Variants in CTTNBP2 observed in about 807,000 individuals in gnomAD.
CTTNBP2 encodes the protein cortactin binding protein 2.
In CTTNBP2, 108 loss-of-function variants were observed where a neutral mutation model predicts 156.9. The ratio of observed to expected loss-of-function variants is 0.69; its 90% CI spans 0.59 to 0.81. CTTNBP2 has a LOEUF of 0.81. Among genes scored for constraint, CTTNBP2 ranks in the 30% least tolerant of loss-of-function variants. The pLI is 0.00. For missense variants in CTTNBP2, 1,924 were observed against 2,035.4 expected, an observed-to-expected ratio of 0.95 and a Z score of 1.05; for synonymous variants, 767 against 751.8, an observed-to-expected ratio of 1.02 and a Z score of -0.33.
At position 117,718,068 on chromosome 7, in the gene CTTNBP2, G is replaced by A. The variant is rs767278056; in HGVS notation, c.4696C>T (p.Pro1566Ser). 20 of 1,613,302 alleles carry A rather than the reference G, an allele frequency of 1.2e-5. No homozygotes were observed. The African/African-American group carries it at 2.7e-4, about 22-fold the overall frequency. Residue 1566 changes from proline (P) to serine (S), a missense_variant, in exon 22 of 23, where the codon CCT (proline) becomes TCT (serine). Transcript: ENST00000160373. ...TTATTAATAGTTGCTGAAAGTACAGGGTTGTTTCCAGAACTATCAAACATC... is the reference window on the plus strand; with the variant it reads ...TTATTAATAGTTGCTGAAAGTACAGAGTTGTTTCCAGAACTATCAAACATC... Reference protein sequence around the residue: ...LRMFDSSGNNPVLSATINNLR... With the variant: ...LRMFDSSGNNSVLSATINNLR...
chr7:117,711,516 A>G lies in CTTNBP2; in HGVS notation c.*21T>C. 5 of 1,595,356 alleles carry G rather than the reference A, an allele frequency of 3.1e-6. No individual in the cohort carries two copies. Among genetic ancestry groups the G allele is most frequent in the Non-Finnish European group, 4.3e-6 (5 of 1,172,450 alleles). ...CTGTGTGAAATAGAGGAAGTTAATA[A>G]TGAGAATATTGTAGGCAGGCCTATT... is the stretch of plus-strand genomic sequence containing the variant. On this transcript the variant is annotated 3_prime_UTR_variant, in exon 23 of 23. Transcript: ENST00000160373.
chr7:117,811,461 C>G (rs1202710061), intron 2 of CTTNBP2, among the ~76,000 whole-genome samples: 2 of 152,156 alleles, frequency 1.3e-5, no homozygotes, highest in South Asian at 2.1e-4. Flanking sequence ...CCACCACACC[C>G]AGCTAATTTT....
rs1431397296 is a variant in CTTNBP2 at position 117,808,000 on chromosome 7, A to ACT, written c.414+2763_414+2764dup. ...TGTCTGAGGCATCTATTGCCATGCA[A>ACT]CTCACCTATTTATATTGCGCTGCCA... is the stretch of plus-strand genomic sequence containing the variant. On this transcript the variant is annotated intron_variant, in intron 3 of 22. Transcript: ENST00000160373. 6.6e-5 allele frequency among the ~76,000 whole-genome samples: 10 copies of ACT among 152,202 alleles called. No homozygotes were observed. The East Asian group carries it at 1.5e-3, about 24-fold the overall frequency.
chr7:117,789,946 A>C (rs1373158113), intron 4 of CTTNBP2, among the ~76,000 whole-genome samples: 1 of 152,206 alleles, frequency 6.6e-6, no homozygotes, highest in Non-Finnish European at 1.5e-5. Flanking sequence ...CCTTAATTTC[A>C]AGTTGATAGC....
intron 2 of CTTNBP2, among the ~76,000 whole-genome samples, chr7:117,826,716 T>C (rs548116365): frequency 0.026 from 3,994 of 151,780 alleles, 199 homozygotes; most frequent in African/African-American, 0.092. Flanking sequence ...TTTGTGATAT[T>C]ATAATAAACT....
chr7:117,743,761 CAAAAAAAAA>C (rs556372208), intron 14 of CTTNBP2, among the ~76,000 whole-genome samples: 3 of 19,622 alleles, frequency 1.5e-4, no homozygotes, highest in Non-Finnish European at 2.0e-4. Context: ...GACTCTGTCT[CAAAAAAAAA>C]AAAAAAAAAA....
intron 14 of CTTNBP2, among the ~76,000 whole-genome samples, chr7:117,737,069 A>G (rs1243760124): frequency 6.6e-6 from 1 of 152,134 alleles, no homozygotes; most frequent in East Asian, 1.9e-4. Context: ...TAAAATCTAG[A>G]AGGCTAGAAA....
intron 22 of CTTNBP2, among the ~76,000 whole-genome samples, chr7:117,712,556 T>A (rs1222254963): frequency 6.6e-6 from 1 of 152,224 alleles, no homozygotes; most frequent in Non-Finnish European, 1.5e-5. Flanking sequence ...CTACTCTGAA[T>A]GCCTCTGAAG....
At chr7:117,764,893 T>A (rs1440766782) in intron 9 of CTTNBP2, among the ~76,000 whole-genome samples, 2 of 152,178 alleles carry the variant, frequency 1.3e-5, no homozygotes, top group African/African-American at 4.8e-5. Context: ...TAATTGTGCA[T>A]CTTTGTTCTT....
intron 19 of CTTNBP2, among the ~76,000 whole-genome samples, 157 bp from the exon 20 acceptor site, chr7:117,721,287 G>A (rs981446647): frequency 2.0e-5 from 3 of 152,208 alleles, no homozygotes; most frequent in African/African-American, 7.2e-5. Flanking sequence ...CAGAGGCTCT[G>A]GGCATAGCCT....
At chr7:117,825,784 G>T (rs1042302669) in intron 2 of CTTNBP2, among the ~76,000 whole-genome samples, 6 of 152,104 alleles carry the variant, frequency 3.9e-5, no homozygotes, top group Admixed American at 1.3e-4. Context: ...TGCATGTAAG[G>T]CACTTGGCTG....
intron 14 of CTTNBP2, among the ~76,000 whole-genome samples, chr7:117,745,155 T>A (rs956351551): frequency 6.6e-6 from 1 of 152,178 alleles, no homozygotes; most frequent in African/African-American, 2.4e-5. Context: ...GAATCTAAGA[T>A]CGAAAACTCA....
intron 8 of CTTNBP2, among the ~76,000 whole-genome samples, chr7:117,776,756 T>C (rs1798124520): frequency 6.6e-6 from 1 of 152,244 alleles, no homozygotes; most frequent in Admixed American, 6.5e-5. Context: ...ATTTCTGTAC[T>C]GGTCCAACTG....
chr7:117,859,854 G>A (rs573830129), intron 2 of CTTNBP2, among the ~76,000 whole-genome samples: 69 of 152,242 alleles, frequency 4.5e-4, no homozygotes, highest in African/African-American at 1.5e-3. Context: ...CAATCAAATT[G>A]ATGGATAATC....
At chr7:117,809,202 C>T (rs1243480064) in intron 3 of CTTNBP2, among the ~76,000 whole-genome samples, 2 of 151,286 alleles carry the variant, frequency 1.3e-5, no homozygotes, top group South Asian at 2.1e-4. Context: ...AAAAAAAAAT[C>T]AGCTAGATAA....
chr7:117,741,563 T>C (rs1179392066), intron 14 of CTTNBP2, among the ~76,000 whole-genome samples: 2 of 152,242 alleles, frequency 1.3e-5, no homozygotes, highest in South Asian at 4.1e-4. Flanking sequence ...AATTATAGTA[T>C]GCATTCGCAG....
At chr7:117,810,732 GT>G in intron 3 of CTTNBP2, 32 bp downstream of exon 3, 3 of 1,548,586 alleles carry the variant, frequency 1.9e-6, no homozygotes, top group Non-Finnish European at 2.7e-6. Flanking sequence ...ACACCATGTT[GT>G]GGGGAAAATG....
intron 16 of CTTNBP2, among the ~76,000 whole-genome samples, chr7:117,733,137 T>A (rs1316797082): frequency 6.6e-6 from 1 of 152,224 alleles, no homozygotes; most frequent in Non-Finnish European, 1.5e-5. Context: ...CAGTGTGCTT[T>A]AAGTGCCCAC....
intron 6 of CTTNBP2, 54 bp downstream of exon 6, chr7:117,782,808 T>G (rs756712166): frequency 1.8e-4 from 236 of 1,292,040 alleles, no homozygotes; most frequent in Non-Finnish European, 6.5e-5. Flanking sequence ...CGTGTGCAAA[T>G]TATAAAAAGA....
Sources: allele counts gnomAD v4.1 joint callset (sites outside exome capture counted in the v4.1 genomes callset), GRCh38; gene constraint gnomAD v4.1.1; transcripts MANE v1.5; gene names NCBI Gene and HGNC (gene_info 2026-07-23, HGNC 2026-07-21).